Variants in EPHA4 observed in about 807,000 individuals in gnomAD.
EPHA4 encodes the protein EPH receptor A4, also known as ephrin type-A receptor 4.
In EPHA4, 19 loss-of-function variants were observed where a neutral mutation model predicts 108.3. That is an observed-to-expected ratio of 0.18 (90% CI 0.12 to 0.26). EPHA4 has a LOEUF of 0.26. Ranked by LOEUF, EPHA4 falls within the 10% of genes least tolerant of loss-of-function variation. The pLI is 1.00. For missense variants in EPHA4, 917 were observed against 1,254.0 expected (o/e 0.73, Z 4.06); for synonymous variants, 449 against 455.5 (o/e 0.99, Z 0.18).
At chr2:221,469,257 ACT>A (rs1691404926) in intron 5 of EPHA4, among the ~76,000 whole-genome samples, 1 of 152,146 alleles carries the variant, frequency 6.6e-6, no homozygotes, top group African/African-American at 2.4e-5. Flanking sequence ...GCCTTATTTA[ACT>A]CTGTCAAAGA....
chr2:221,441,078 AGT>A (rs1690409031), intron 11 of EPHA4, among the ~76,000 whole-genome samples: 2 of 151,992 alleles, frequency 1.3e-5, no homozygotes, highest in South Asian at 4.1e-4. Flanking sequence ...TGAACTGTAT[AGT>A]GTGTACTTTC....
At chr2:221,523,724 G>A (rs912905052) in intron 3 of EPHA4, among the ~76,000 whole-genome samples, 3 of 151,128 alleles carry the variant, frequency 2.0e-5, no homozygotes, top group African/African-American at 7.3e-5. Context: ...CTTCTGGGTA[G>A]CTGAGATTAC....
At chr2:221,500,745 G>T (rs943588826) in intron 4 of EPHA4, among the ~76,000 whole-genome samples, 23 of 152,142 alleles carry the variant, frequency 1.5e-4, no homozygotes, top group African/African-American at 5.6e-4. Context: ...TCCAATCTCA[G>T]CTCTAATTAC....
chr2:221,441,559 C>G (rs1245824829), intron 11 of EPHA4, among the ~76,000 whole-genome samples: 2 of 152,100 alleles, frequency 1.3e-5, no homozygotes, highest in East Asian at 3.9e-4. Flanking sequence ...AGACAGGAAC[C>G]CAGGTACCAA....
At chr2:221,514,941 A>G (rs1692945785) in intron 3 of EPHA4, among the ~76,000 whole-genome samples, 3 of 152,196 alleles carry the variant, frequency 2.0e-5, no homozygotes, top group South Asian at 4.1e-4. Flanking sequence ...ATACAAAAGA[A>G]CAGCATGTCA....
chr2:221,518,467 G>A (rs575850956), intron 3 of EPHA4, among the ~76,000 whole-genome samples: 13 of 152,242 alleles, frequency 8.5e-5, no homozygotes, highest in African/African-American at 3.1e-4. Flanking sequence ...CGCCCATCCT[G>A]TTTACTATTA....
In EPHA4 at chr2:221,463,753, G is replaced by T. The variant is rs550704736; in HGVS notation, c.1319-5763C>A. On this transcript the variant is annotated intron_variant, in intron 5 of 17. Coordinates refer to ENST00000281821, the MANE Select transcript of EPHA4 (RefSeq NM_004438.5). ...TTAAACACCTACAAGTCATTTTACT[G>T]CAGCAGTTTGGTCCTTGTGACACCC... is the stretch of plus-strand genomic sequence containing the variant. 7.1e-4 allele frequency among the ~76,000 whole-genome samples: 108 copies of T among 152,264 alleles called. No individual in the cohort carries two copies. In the South Asian group the frequency reaches 0.01, roughly 15 times the overall value.
At chr2:221,450,395 C>A (rs543162832) in intron 8 of EPHA4, among the ~76,000 whole-genome samples, 1 of 152,228 alleles carries the variant, frequency 6.6e-6, no homozygotes, top group Non-Finnish European at 1.5e-5. Flanking sequence ...TATTGTGCAA[C>A]AGATTTGCAT....
chr2:221,456,841 T>C, intron 6 of EPHA4, 69 bp from the exon 7 acceptor site: 1 of 1,567,692 alleles, frequency 6.4e-7, no homozygotes, highest in Non-Finnish European at 8.7e-7. Flanking sequence ...CTAGGTGCAA[T>C]ATTAAAGGAG....
At chr2:221,570,558 A>G (rs549827661) in intron 1 of EPHA4, among the ~76,000 whole-genome samples, 48 of 152,190 alleles carry the variant, frequency 3.2e-4, no homozygotes, top group African/African-American at 1.1e-3. Flanking sequence ...AGGGCGAGAG[A>G]GGGCCCCTTT....
At chr2:221,505,764 C>T (rs974066163) in intron 3 of EPHA4, among the ~76,000 whole-genome samples, 9 of 152,154 alleles carry the variant, frequency 5.9e-5, no homozygotes, top group South Asian at 2.1e-4. Flanking sequence ...ACACATGCTA[C>T]TCTTGCAAAC....
At position 221,425,739 on chromosome 2, in the gene EPHA4, G is replaced by T. The variant is rs1689878970; in HGVS notation, c.*289C>A. ...GCAAATACAGCATCAAAACTCAGAG[G>T]CAGTGTTCTATTTCTATAGGTACAT... On this transcript the variant is annotated 3_prime_UTR_variant, in exon 17 of 18. Transcript: ENST00000281821. 3.4e-6 allele frequency: 1 copy of T among 291,296 alleles called. No homozygotes were observed. Among genetic ancestry groups the T allele is most frequent in the African/African-American group, 2.2e-5 (1 of 45,656 alleles). The allele number at this position is 291,296 out of a possible 1,614,324, so 18.0% of individuals were successfully genotyped here.
At chr2:221,450,086 A>G (rs13392880) in intron 8 of EPHA4, among the ~76,000 whole-genome samples, 19,445 of 152,210 alleles carry the variant, frequency 0.13, 1,564 homozygotes, top group East Asian at 0.27. Flanking sequence ...ACTTGTGTGA[A>G]TTTACATGAC....
At chr2:221,431,261 A>C (rs1267345946) in intron 14 of EPHA4, among the ~76,000 whole-genome samples, 1 of 152,150 alleles carries the variant, frequency 6.6e-6, no homozygotes, top group Non-Finnish European at 1.5e-5. Flanking sequence ...CTTTCTATCA[A>C]CATGATAGCT....
At chr2:221,503,841 G>A (rs781573239) in intron 3 of EPHA4, among the ~76,000 whole-genome samples, 25 of 151,762 alleles carry the variant, frequency 1.6e-4, no homozygotes, top group Non-Finnish European at 3.5e-4. Context: ...TATAGTAGTG[G>A]CTTTTCACGC....
chr2:221,501,224 A>C (rs757310981), intron 3 of EPHA4, 52 bp from the exon 4 acceptor site: 12 of 1,476,528 alleles, frequency 8.1e-6, no homozygotes, highest in Non-Finnish European at 1.1e-5. Flanking sequence ...CAAATAGACC[A>C]AAGCAAAAAT....
At chr2:221,515,042 G>C (rs180751977) in intron 3 of EPHA4, among the ~76,000 whole-genome samples, 1 of 152,178 alleles carries the variant, frequency 6.6e-6, no homozygotes, top group South Asian at 2.1e-4. Context: ...ACTATAAAAG[G>C]CATGGGAAGT....
chr2:221,548,996 T>C (rs1394181831), intron 3 of EPHA4, among the ~76,000 whole-genome samples: 1 of 152,122 alleles, frequency 6.6e-6, no homozygotes, highest in East Asian at 1.9e-4. Context: ...CCCAGCCACT[T>C]GGGAGTCCTG....
chr2:221,468,573 CA>C (rs1691387622), intron 5 of EPHA4, among the ~76,000 whole-genome samples: 1 of 152,096 alleles, frequency 6.6e-6, no homozygotes, highest in Non-Finnish European at 1.5e-5. Flanking sequence ...TTCTGACGTC[CA>C]AAGCATCTAG....
Sources: gnomAD v4.1 joint callset for allele counts (sites outside exome capture counted in the v4.1 genomes callset) on GRCh38, gnomAD v4.1.1 for gene constraint, MANE v1.5 for transcripts, NCBI Gene and HGNC (gene_info 2026-07-23, HGNC 2026-07-21) for gene names.